AK5: variants seen among roughly 807,000 people sequenced by gnomAD.
The protein encoded by AK5 is adenylate kinase 5.
Under a neutral mutation model 69.5 loss-of-function variants are expected in AK5, and 27 were observed. The ratio of observed to expected loss-of-function variants is 0.39; its 90% CI spans 0.29 to 0.54. AK5 has a LOEUF of 0.54. Ranked by LOEUF, AK5 falls within the 20% of genes least tolerant of loss-of-function variation. The pLI, the probability that AK5 is intolerant of heterozygous loss-of-function variation, is 0.71. For missense variants in AK5, 531 were observed against 700.4 expected, an observed-to-expected ratio of 0.76 and a Z score of 2.73; for synonymous variants, 260 against 244.4, an observed-to-expected ratio of 1.06 and a Z score of -0.60.
At chr1:77,312,043 C>T (rs1387714284) in intron 5 of AK5, among the ~76,000 whole-genome samples, 3 of 152,094 alleles carry the variant, frequency 2.0e-5, no homozygotes, top group East Asian at 1.9e-4. Flanking sequence ...TCGTTATTTT[C>T]GGCCAGAAGG....
intron 3 of AK5, among the ~76,000 whole-genome samples, chr1:77,294,483 A>G (rs1198615004): frequency 6.6e-6 from 1 of 152,144 alleles, no homozygotes; most frequent in Non-Finnish European, 1.5e-5. Context: ...TTTACTCACT[A>G]TTAACTTTAG....
At chr1:77,352,437 C>G (rs1662260431) in intron 6 of AK5, among the ~76,000 whole-genome samples, 1 of 152,084 alleles carries the variant, frequency 6.6e-6, no homozygotes, top group Non-Finnish European at 1.5e-5. Flanking sequence ...AACAAGGGAG[C>G]TGAGGTTTGA....
At position 77,282,092 on chromosome 1, in the gene AK5, T is replaced by G. The variant is rs1658090256; in HGVS notation, c.-222T>G. 4.9e-6 allele frequency: 2 copies of G among 410,564 alleles called. No homozygotes were observed. The highest frequency in any genetic ancestry group is 8.6e-6 in the Non-Finnish European group (2 of 231,460). The allele number at this position is 410,564 out of a possible 1,614,324, so 25.4% of individuals were successfully genotyped here. On this transcript the variant is annotated 5_prime_UTR_variant, in exon 1 of 14. Transcript: ENST00000354567. ...GCGCCTGCAGCTCCGGCTCGGGGGCTGGAACCGAAGCGGGGGCGGCGGGAG... is the reference window on the plus strand; with the variant it reads ...GCGCCTGCAGCTCCGGCTCGGGGGCGGGAACCGAAGCGGGGGCGGCGGGAG...
At chr1:77,512,059 T>C (rs1472111682) in intron 10 of AK5, among the ~76,000 whole-genome samples, 1 of 152,200 alleles carries the variant, frequency 6.6e-6, no homozygotes, top group African/African-American at 2.4e-5. Flanking sequence ...CTGAGGAGGC[T>C]TAAATACCTC....
At chr1:77,466,116 C>T (rs1009766972) in intron 8 of AK5, among the ~76,000 whole-genome samples, 2 of 152,092 alleles carry the variant, frequency 1.3e-5, no homozygotes, top group Non-Finnish European at 1.5e-5. Context: ...CAGCGTCTTC[C>T]CAGCTCTCTG....
At chr1:77,463,618 A>G (rs138648175) in intron 8 of AK5, among the ~76,000 whole-genome samples, 1,832 of 151,920 alleles carry the variant, frequency 0.012, 36 homozygotes, top group African/African-American at 0.042. Context: ...GAGTCCTCTC[A>G]AAAATCCAAG....
chr1:77,284,834 T>A (rs1658261235), intron 1 of AK5, among the ~76,000 whole-genome samples: 6 of 152,236 alleles, frequency 3.9e-5, no homozygotes, highest in Admixed American at 3.9e-4. Flanking sequence ...TGGAGCTCAT[T>A]GTCCCATTTT....
intron 6 of AK5, among the ~76,000 whole-genome samples, chr1:77,364,460 T>G (rs1302622028): frequency 1.3e-5 from 2 of 152,210 alleles, no homozygotes; most frequent in Non-Finnish European, 2.9e-5. Flanking sequence ...AGTATGTAAC[T>G]CTAGAACTTA....
At chr1:77,319,096 G>A (rs1660390831) in intron 5 of AK5, among the ~76,000 whole-genome samples, 1 of 152,192 alleles carries the variant, frequency 6.6e-6, no homozygotes. Flanking sequence ...AGGAGGAGGA[G>A]TAGTTACTTC....
At chr1:77,415,845 G>A (rs1557575363) in intron 7 of AK5, among the ~76,000 whole-genome samples, 1 of 152,168 alleles carries the variant, frequency 6.6e-6, no homozygotes, top group Admixed American at 6.5e-5. Flanking sequence ...TACTGGCTCT[G>A]CCTTTGGTCT....
intron 8 of AK5, among the ~76,000 whole-genome samples, chr1:77,427,151 T>TTA (rs1380701206): frequency 1.3e-5 from 2 of 151,404 alleles, no homozygotes; most frequent in African/African-American, 4.8e-5. Flanking sequence ...CTAATAAAAA[T>TTA]TAAAGCAGAA....
chr1:77,361,083 C>T (rs1646854238), intron 6 of AK5, among the ~76,000 whole-genome samples: 1 of 152,214 alleles, frequency 6.6e-6, no homozygotes, highest in South Asian at 2.1e-4. Context: ...TTTTCCCATC[C>T]AAGCTTTGCT....
chr1:77,345,985 G>A (rs1191201497), intron 6 of AK5: 4 of 152,132 alleles, frequency 2.6e-5, no homozygotes, highest in Admixed American at 6.6e-5. Context: ...TATGTTATAT[G>A]TATTATATAC....
chr1:77,373,321 A>G (rs1026843819), intron 6 of AK5, among the ~76,000 whole-genome samples: 1 of 152,236 alleles, frequency 6.6e-6, no homozygotes, highest in Non-Finnish European at 1.5e-5. Context: ...CTCTAACCGT[A>G]AATTCCTTGA....
At chr1:77,441,585 C>T (rs1652328043) in intron 8 of AK5, among the ~76,000 whole-genome samples, 1 of 152,206 alleles carries the variant, frequency 6.6e-6, no homozygotes. Context: ...TAACTGTAGG[C>T]ACCTCAGTGG....
chr1:77,353,416 T>C (rs1472430137), intron 6 of AK5, among the ~76,000 whole-genome samples: 1 of 152,096 alleles, frequency 6.6e-6, no homozygotes, highest in Non-Finnish European at 1.5e-5. Flanking sequence ...AGGCGGATGT[T>C]GCAGTGAGCC....
At position 77,444,244 on chromosome 1, in the gene AK5, TACACAAC is replaced by T. The variant is rs1652536404; in HGVS notation, c.1059+26531_1059+26537del. On this transcript the variant is annotated intron_variant, in intron 8 of 13. Transcript: ENST00000354567. ...TATGTATATATATATAGTATATATATACACAACATATGTGTATATATATAGTATATAT... is the reference window on the plus strand; with the variant it reads ...TATGTATATATATATAGTATATATATATATGTGTATATATATAGTATATAT... Among the ~76,000 whole-genome samples, 7 of 27,802 alleles carry T rather than the reference TACACAAC, an allele frequency of 2.5e-4. No individual in the cohort carries two copies. The East Asian group carries it at 3.8e-3, about 15-fold the overall frequency. The allele number at this position is 27,802 out of a possible 152,430, so 18.2% of individuals were successfully genotyped here. A position where few individuals can be genotyped will look rare whatever the true frequency, so the allele number is the denominator to read the frequency against.
intron 8 of AK5, among the ~76,000 whole-genome samples, chr1:77,433,016 G>A (rs1057353843): frequency 1.3e-5 from 2 of 152,168 alleles, no homozygotes; most frequent in East Asian, 1.9e-4. Context: ...CTTTCTGTGT[G>A]GCACAAGACT....
At chr1:77,346,399 C>T (rs1429877760) in intron 6 of AK5, 4 of 152,198 alleles carry the variant, frequency 2.6e-5, no homozygotes, top group Non-Finnish European at 4.4e-5. Context: ...ACATTTATCC[C>T]TAAACTCTCA....
Sources: allele counts gnomAD v4.1 joint callset (sites outside exome capture counted in the v4.1 genomes callset), GRCh38; gene constraint gnomAD v4.1.1; transcripts MANE v1.5; gene names NCBI Gene and HGNC (gene_info 2026-07-23, HGNC 2026-07-21).